Variants in VPS13D observed in about 807,000 individuals in gnomAD.
The protein encoded by VPS13D is intermembrane lipid transfer protein VPS13D.
In VPS13D, 187 loss-of-function variants were observed where a neutral mutation model predicts 461.9. The ratio of observed to expected loss-of-function variants is 0.40; its 90% CI spans 0.36 to 0.46. The LOEUF is 0.46. Among genes scored for constraint, VPS13D ranks in the 20% least tolerant of loss-of-function variants. The pLI is 0.60. For missense variants in VPS13D, 4,711 were observed against 5,364.9 expected (o/e 0.88, Z 3.81); for synonymous variants, 1,951 against 1,986.3 (o/e 0.98, Z 0.47).
chr1:12,236,210 T>C (rs577911085), intron 2 of VPS13D, among the ~76,000 whole-genome samples: 1 of 152,116 alleles, frequency 6.6e-6, no homozygotes, highest in Non-Finnish European at 1.5e-5. Flanking sequence ...GTTAGTATGG[T>C]ACCCAATGCT....
chr1:12,345,575 A>G lies in VPS13D; in HGVS notation c.9021+66A>G, dbSNP rs141066949. ...AGGAAGTCAGATGGTTAAGCCTGTA[A>G]TAAGCTTACTCTAATGAAACTTTCT... On this transcript the variant is annotated intron_variant, in intron 43 of 69. Coordinates refer to ENST00000620676, the MANE Select transcript of VPS13D (RefSeq NM_015378.4). The G allele has an allele frequency of 3.2e-5, 50 of 1,550,646 alleles. 1 individual carries two copies. The African/African-American group carries it at 5.3e-4, about 16-fold the overall frequency.
chr1:12,486,880 A>G (rs998372016), intron 67 of VPS13D, among the ~76,000 whole-genome samples: 2 of 152,066 alleles, frequency 1.3e-5, no homozygotes, highest in Non-Finnish European at 2.9e-5. Flanking sequence ...AGCACACAGC[A>G]CCGTTCTGAG....
chr1:12,356,304 C>T (rs1332472183), intron 48 of VPS13D, 94 bp from the exon 49 acceptor site: 4 of 1,475,468 alleles, frequency 2.7e-6, no homozygotes. Context: ...AGTTTTCACT[C>T]TTTTCCCGCT....
chr1:12,329,994 A>G (rs776693407), intron 37 of VPS13D, 76 bp downstream of exon 37: 1 of 604,638 alleles, frequency 1.7e-6, no homozygotes, highest in Non-Finnish European at 2.8e-6. Context: ...TGCTACGTAA[A>G]TTTTACATGA....
At chr1:12,442,514 A>G (rs1645143276) in intron 65 of VPS13D, among the ~76,000 whole-genome samples, 1 of 151,774 alleles carries the variant, frequency 6.6e-6, no homozygotes, top group African/African-American at 2.4e-5. Context: ...ACAAGTTATT[A>G]TAATTCTCCA....
chr1:12,298,697 T>A (rs1315903109), intron 24 of VPS13D, among the ~76,000 whole-genome samples: 1 of 151,974 alleles, frequency 6.6e-6, no homozygotes, highest in Non-Finnish European at 1.5e-5. Flanking sequence ...ATTCTATAAA[T>A]GTTTAATTGA....
intron 21 of VPS13D, among the ~76,000 whole-genome samples, chr1:12,286,034 T>C (rs1404793505): frequency 7.0e-6 from 1 of 142,096 alleles, no homozygotes; most frequent in Non-Finnish European, 1.5e-5. Context: ...TCCTCTCCCC[T>C]CCCCTCCCTT....
intron 67 of VPS13D, among the ~76,000 whole-genome samples, chr1:12,475,533 G>A (rs371559497): frequency 6.6e-6 from 1 of 152,250 alleles, no homozygotes; most frequent in Non-Finnish European, 1.5e-5. Flanking sequence ...TTAATCTGCA[G>A]CTGTAGTGTA....
At chr1:12,456,657 A>G (rs547221774) in intron 66 of VPS13D, among the ~76,000 whole-genome samples, 2 of 150,314 alleles carry the variant, frequency 1.3e-5, no homozygotes, top group South Asian at 2.1e-4. Flanking sequence ...AAAAAAAAAA[A>G]AAAGAAAAGG....
chr1:12,386,296 A>G lies in VPS13D; in HGVS notation c.11596A>G (p.Thr3866Ala). ...CAATGTGCACTATACACAGCTGGCA[A>G]CCAGTCACATGCTTGAACTCAGCAT... is the stretch of plus-strand genomic sequence containing the variant. ...GINVHYTQLA[T>A]SHMLELSIQD... The change falls in exon 60 of 70, where the codon ACC becomes GCC. Residue 3866 changes from threonine (T) to alanine (A), a missense_variant. Thr to Ala is a moderately conservative substitution (Grantham distance 58). This residue lies in a region of VPS13D where 4,411 missense variants were observed against 4,937.8 expected (regional missense o/e 0.89). Coordinates refer to ENST00000620676, the MANE Select transcript of VPS13D (RefSeq NM_015378.4). The G allele has an allele frequency of 6.2e-7, 1 of 1,612,320 alleles. No homozygotes were observed. The highest frequency in any genetic ancestry group is 1.1e-5 in the South Asian group (1 of 90,664).
intron 65 of VPS13D, among the ~76,000 whole-genome samples, chr1:12,448,972 C>A (rs1645227772): frequency 6.6e-6 from 1 of 152,156 alleles, no homozygotes; most frequent in South Asian, 2.1e-4. Flanking sequence ...GACTTCCTTG[C>A]ATGTGTTTCA....
intron 43 of VPS13D, 38 bp from the exon 44 acceptor site, chr1:12,346,567 A>G (rs754623431): frequency 6.2e-7 from 1 of 1,601,268 alleles, no homozygotes; most frequent in Admixed American, 1.8e-5. Context: ...TAATTATCTT[A>G]AGTCTGTGCT....
At chr1:12,322,302 G>A (rs890468504) in intron 33 of VPS13D, among the ~76,000 whole-genome samples, 8 of 152,098 alleles carry the variant, frequency 5.3e-5, no homozygotes, top group East Asian at 1.9e-4. Context: ...TCCTCACCTC[G>A]TGATCCGCCC....
At chr1:12,353,525 T>C (rs1026295364) in intron 46 of VPS13D, among the ~76,000 whole-genome samples, 4 of 115,826 alleles carry the variant, frequency 3.5e-5, no homozygotes, top group Admixed American at 1.2e-4. Context: ...AGAGCGAGAC[T>C]GCATCTCAAA....
chr1:12,352,090 G>C (rs969825981), intron 46 of VPS13D, among the ~76,000 whole-genome samples: 2 of 151,504 alleles, frequency 1.3e-5, no homozygotes, highest in African/African-American at 4.8e-5. Flanking sequence ...AGGGGTTCGA[G>C]ACCAGCCTGG....
At chr1:12,421,462 G>T (rs916588080) in intron 65 of VPS13D, among the ~76,000 whole-genome samples, 1 of 152,204 alleles carries the variant, frequency 6.6e-6, no homozygotes. Context: ...AAGAATATCT[G>T]CAAGACACTC....
At position 12,333,384 on chromosome 1, in the gene VPS13D, T is replaced by G. The variant is rs1415761364; in HGVS notation, c.8428+18T>G. The stretch of plus-strand genomic sequence containing the variant: ...GCTAATTGGTGAGTAGAAAGTTGTC[T>G]TTCATAGACTGATACCTTTCCGTAC... On this transcript the variant is annotated intron_variant, in intron 38 of 69. Transcript: ENST00000620676. 1.9e-6 allele frequency: 3 copies of G among 1,613,158 alleles called. No individual in the cohort carries two copies. The highest frequency in any genetic ancestry group is 2.5e-6 in the Non-Finnish European group (3 of 1,179,554).
At chr1:12,328,035 G>A (rs923414373) in intron 36 of VPS13D, among the ~76,000 whole-genome samples, 181 bp downstream of exon 36, 1 of 151,644 alleles carries the variant, frequency 6.6e-6, no homozygotes, top group African/African-American at 2.4e-5. Context: ...TGCCATATGT[G>A]GCCTTCAGCC....
intron 67 of VPS13D, among the ~76,000 whole-genome samples, chr1:12,472,391 C>G (rs370114697): frequency 1.3e-5 from 2 of 152,278 alleles, no homozygotes; most frequent in East Asian, 3.9e-4. Context: ...TCCCATGCAG[C>G]CTTTTAACCA....
Sources: gnomAD v4.1 joint callset for allele counts (sites outside exome capture counted in the v4.1 genomes callset) on GRCh38, gnomAD v4.1.1 for gene constraint, gnomAD v4.1.1 regional missense constraint, MANE v1.5 for transcripts, NCBI Gene and HGNC (gene_info 2026-07-23, HGNC 2026-07-21) for gene names.